GPC5: variants seen among roughly 807,000 people sequenced by gnomAD.
GPC5 encodes the protein glypican 5, also known as glypican-5.
Under a neutral mutation model 53.9 loss-of-function variants are expected in GPC5, and 47 were observed. The ratio of observed to expected loss-of-function variants is 0.87; its 90% confidence interval spans 0.69 to 1.11. The LOEUF (loss-of-function observed/expected upper bound fraction) is 1.11. Ranked by LOEUF, GPC5 falls within the 50% of genes most tolerant of loss-of-function variation. The pLI, the probability that GPC5 is intolerant of heterozygous loss-of-function variation, is 0.00. For missense variants in GPC5, 748 were observed against 713.1 expected (o/e 1.05, Z -0.56); for synonymous variants, 286 against 263.3 (o/e 1.09, Z -0.84).
At chr13:91,716,080 A>AT (rs2036332242) in intron 3 of GPC5, among the ~76,000 whole-genome samples, 1 of 151,724 alleles carries the variant, frequency 6.6e-6, no homozygotes, top group African/African-American at 2.4e-5. Flanking sequence ...TGCCTGGCCC[A>AT]TCTTGATTTT....
At chr13:92,131,931 CA>C (rs35966195) in intron 6 of GPC5, among the ~76,000 whole-genome samples, 108,535 of 151,920 alleles carry the variant, frequency 0.71, 41,838 homozygotes, top group East Asian at 1. Context: ...AGTATATACC[CA>C]ACAGATATAA....
At chr13:91,526,265 A>G (rs765465412) in intron 2 of GPC5, among the ~76,000 whole-genome samples, 2 of 152,178 alleles carry the variant, frequency 1.3e-5, no homozygotes, top group African/African-American at 4.8e-5. Context: ...TCCAACATTT[A>G]TTAAACTCCT....
intron 6 of GPC5, among the ~76,000 whole-genome samples, chr13:92,045,044 T>C (rs1479469678): frequency 6.6e-6 from 1 of 152,224 alleles, no homozygotes; most frequent in Non-Finnish European, 1.5e-5. Flanking sequence ...TGCTTTATTA[T>C]AGATGCATAG....
intron 6 of GPC5, among the ~76,000 whole-genome samples, chr13:92,002,075 T>G (rs2040560650): frequency 2.0e-5 from 3 of 152,006 alleles, no homozygotes; most frequent in South Asian, 4.1e-4. Context: ...GTAATTTTTC[T>G]TTTTGTTTCC....
intron 5 of GPC5, among the ~76,000 whole-genome samples, chr13:91,834,722 T>C (rs1356430334): frequency 6.6e-6 from 1 of 152,152 alleles, no homozygotes; most frequent in African/African-American, 2.4e-5. Flanking sequence ...GATCCCTTCC[T>C]TACACCTTAT....
chr13:92,540,220 G>T (rs563837021), intron 7 of GPC5, among the ~76,000 whole-genome samples: 1 of 151,896 alleles, frequency 6.6e-6, no homozygotes, highest in Non-Finnish European at 1.5e-5. Flanking sequence ...ATGTGGCAAC[G>T]TATATGAAGA....
At chr13:91,855,486 C>T (rs1296851224) in intron 5 of GPC5, among the ~76,000 whole-genome samples, 3 of 151,646 alleles carry the variant, frequency 2.0e-5, no homozygotes, top group East Asian at 3.9e-4. Flanking sequence ...TTAAATGAAG[C>T]ATTGTACTTT....
At chr13:92,443,562 G>A (rs528933977) in intron 7 of GPC5, among the ~76,000 whole-genome samples, 4 of 152,228 alleles carry the variant, frequency 2.6e-5, no homozygotes, top group African/African-American at 7.2e-5. Flanking sequence ...CAATTTTTGA[G>A]CTCCTAACAG....
intron 7 of GPC5, among the ~76,000 whole-genome samples, chr13:92,582,030 G>T (rs543424789): frequency 1.3e-5 from 2 of 151,968 alleles, no homozygotes; most frequent in South Asian, 4.2e-4. Context: ...CTGTTTCCTC[G>T]GCTATGCAGA....
At chr13:91,566,805 T>C (rs1031346084) in intron 2 of GPC5, among the ~76,000 whole-genome samples, 1 of 152,170 alleles carries the variant, frequency 6.6e-6, no homozygotes. Flanking sequence ...TTAATACTTT[T>C]CAAAAGGGAT....
At chr13:91,796,077 C>T (rs1343158638) in intron 5 of GPC5, among the ~76,000 whole-genome samples, 1 of 152,130 alleles carries the variant, frequency 6.6e-6, no homozygotes, top group Non-Finnish European at 1.5e-5. Flanking sequence ...GCCTCTTGCT[C>T]TCTGACCTGG....
chr13:92,285,282 G>A (rs547783552), intron 7 of GPC5, among the ~76,000 whole-genome samples: 1 of 152,248 alleles, frequency 6.6e-6, no homozygotes, highest in Non-Finnish European at 1.5e-5. Flanking sequence ...TCATGGATAG[G>A]AAGAATCAAT....
At chr13:91,505,523 C>G (rs1368370137) in intron 2 of GPC5, among the ~76,000 whole-genome samples, 1 of 152,164 alleles carries the variant, frequency 6.6e-6, no homozygotes, top group Non-Finnish European at 1.5e-5. Flanking sequence ...TTCCTGAATA[C>G]TGGTCCTAGG....
intron 5 of GPC5, among the ~76,000 whole-genome samples, chr13:91,839,117 T>G (rs1299114199): frequency 2.6e-5 from 4 of 152,184 alleles, no homozygotes; most frequent in Non-Finnish European, 4.4e-5. Context: ...TTTTGGTAAT[T>G]TCATAATATT....
At chr13:92,035,034 G>C (rs1454408686) in intron 6 of GPC5, among the ~76,000 whole-genome samples, 1 of 152,104 alleles carries the variant, frequency 6.6e-6, no homozygotes, top group African/African-American at 2.4e-5. Context: ...TATTGAAATA[G>C]TTGGTAAATC....
At chr13:91,527,447 C>T (rs1886139827) in intron 2 of GPC5, among the ~76,000 whole-genome samples, 1 of 152,252 alleles carries the variant, frequency 6.6e-6, no homozygotes, top group Admixed American at 6.5e-5. Flanking sequence ...GCTCCCAAGG[C>T]CTTGGGCAGC....
chr13:92,115,049 A>T (rs1295143947), intron 6 of GPC5, among the ~76,000 whole-genome samples: 3 of 152,212 alleles, frequency 2.0e-5, no homozygotes, highest in African/African-American at 7.2e-5. Flanking sequence ...ATTAGTACTG[A>T]TGTTATTTTT....
intron 7 of GPC5, among the ~76,000 whole-genome samples, chr13:92,404,509 A>G (rs1480517434): frequency 6.6e-6 from 1 of 152,236 alleles, no homozygotes; most frequent in Non-Finnish European, 1.5e-5. Flanking sequence ...CCTTGCACAA[A>G]GTGAGTGCAT....
intron 7 of GPC5, among the ~76,000 whole-genome samples, chr13:92,682,350 A>G (rs1405533114): frequency 6.6e-6 from 1 of 152,166 alleles, no homozygotes; most frequent in African/African-American, 2.4e-5. Context: ...ATGACTTTAT[A>G]GATTAATTTG....
Sources: allele counts gnomAD v4.1 joint callset (sites outside exome capture counted in the v4.1 genomes callset), GRCh38; gene constraint gnomAD v4.1.1; transcripts MANE v1.5; gene names NCBI Gene and HGNC (gene_info 2026-07-23, HGNC 2026-07-21).